Variants in GRIK2 observed in about 807,000 individuals in gnomAD.
GRIK2 encodes glutamate receptor ionotropic, kainate 2.
Under a neutral mutation model 100.3 loss-of-function variants are expected in GRIK2, and 32 were observed. The ratio of observed to expected loss-of-function variants is 0.32; its 90% CI spans 0.24 to 0.43. The LOEUF is 0.43. GRIK2 is among the 20% of genes least tolerant of loss of function. The pLI is 1.00. For synonymous variants in GRIK2, 417 were observed against 389.4 expected (o/e 1.07, Z -0.83); for missense variants, 843 against 1,114.9 (o/e 0.76, Z 3.47).
chr6:101,440,254 G>C (rs977365677), intron 2 of GRIK2, among the ~76,000 whole-genome samples: 1 of 152,112 alleles, frequency 6.6e-6, no homozygotes, highest in Non-Finnish European at 1.5e-5. Flanking sequence ...ACAGAATTAG[G>C]TATAAGACAC....
chr6:101,843,379 G>T (rs149619770), intron 10 of GRIK2, among the ~76,000 whole-genome samples: 21 of 152,174 alleles, frequency 1.4e-4, no homozygotes, highest in African/African-American at 5.1e-4. Context: ...AAGTCCTACA[G>T]AACTATTTAT....
chr6:101,703,233 T>G (rs1392100159), intron 7 of GRIK2, among the ~76,000 whole-genome samples: 1 of 151,824 alleles, frequency 6.6e-6, no homozygotes, highest in African/African-American at 2.4e-5. Context: ...GTTAAGATTA[T>G]CCAAGGGTAT....
chr6:101,766,172 A>G (rs1206910626), intron 7 of GRIK2, among the ~76,000 whole-genome samples: 1 of 151,984 alleles, frequency 6.6e-6, no homozygotes, highest in Admixed American at 6.6e-5. Flanking sequence ...GATATATTTT[A>G]TGCACTTATT....
intron 2 of GRIK2, among the ~76,000 whole-genome samples, chr6:101,463,081 C>A (rs1178844495): frequency 1.3e-5 from 2 of 152,252 alleles, no homozygotes; most frequent in Non-Finnish European, 2.9e-5. Flanking sequence ...ATCTTTTTGA[C>A]AAATCATCTA....
chr6:101,873,858 ATCTTT>A (rs985323896), intron 11 of GRIK2, among the ~76,000 whole-genome samples: 6 of 152,128 alleles, frequency 3.9e-5, no homozygotes, highest in African/African-American at 1.4e-4. Flanking sequence ...GATGATGAGC[ATCTTT>A]TCATGTGTCT....
chr6:101,724,310 T>C (rs1693791699), intron 7 of GRIK2, among the ~76,000 whole-genome samples: 1 of 151,820 alleles, frequency 6.6e-6, no homozygotes, highest in Non-Finnish European at 1.5e-5. Flanking sequence ...AAACATAGTA[T>C]CCAATAGGTA....
chr6:101,864,222 T>C (rs1211300770), intron 11 of GRIK2, among the ~76,000 whole-genome samples: 2 of 151,832 alleles, frequency 1.3e-5, no homozygotes, highest in Non-Finnish European at 2.9e-5. Flanking sequence ...TTCTTTAACT[T>C]AGTTAAATAC....
intron 7 of GRIK2, among the ~76,000 whole-genome samples, chr6:101,694,288 T>G (rs990038742): frequency 6.6e-6 from 1 of 152,056 alleles, no homozygotes; most frequent in Non-Finnish European, 1.5e-5. Flanking sequence ...AAATAGAGAA[T>G]GGATTATTTC....
intron 2 of GRIK2, among the ~76,000 whole-genome samples, chr6:101,487,499 T>G (rs1427328954): frequency 6.8e-6 from 1 of 147,074 alleles, no homozygotes; most frequent in Non-Finnish European, 1.5e-5. Flanking sequence ...TTTATGAGGA[T>G]ACTTGTTTTC....
In GRIK2 at chr6:102,055,580, G is replaced by T; in HGVS notation, c.2562G>T (p.Lys854Asn). ...CCAAAAAAAACGCTCAATTGGAAAAGGTAAATGTTACTTGTTTCAGTTTAA... is the reference window on the plus strand; with the variant it reads ...CCAAAAAAAACGCTCAATTGGAAAATGTAAATGTTACTTGTTTCAGTTTAA... ...YKSKKNAQLE[K>N]RSFCSAMVEE... The change falls in exon 16 of 17, where the codon AAG becomes AAT. Residue 854 changes from lysine (K) to asparagine (N), a missense_variant and splice_region_variant. By Grantham distance (94) the Lys-to-Asn change is moderately conservative (BLOSUM62 0). Around this residue, in one of 3 missense-constraint regions of GRIK2, gnomAD observed 87 missense variants for 83.2 expected, o/e 1.05. Transcript: ENST00000369134. 6.3e-7 allele frequency: 1 copy of T among 1,596,166 alleles called. No homozygotes were observed. The highest frequency in any genetic ancestry group is 1.1e-5 in the South Asian group (1 of 90,220).
At chr6:101,814,029 A>G (rs1781489824) in intron 9 of GRIK2, among the ~76,000 whole-genome samples, 1 of 152,106 alleles carries the variant, frequency 6.6e-6, no homozygotes, top group Non-Finnish European at 1.5e-5. Flanking sequence ...GGGACAAAGC[A>G]TAGATAATTT....
At chr6:102,051,951 TG>T (rs1771221715) in intron 15 of GRIK2, among the ~76,000 whole-genome samples, 1 of 152,210 alleles carries the variant, frequency 6.6e-6, no homozygotes, top group East Asian at 1.9e-4. Flanking sequence ...GTTCTTTGTT[TG>T]CCAACATACA....
chr6:101,558,723 A>G (rs979334472), intron 2 of GRIK2, among the ~76,000 whole-genome samples: 2 of 148,568 alleles, frequency 1.3e-5, no homozygotes, highest in African/African-American at 5.0e-5. Flanking sequence ...CTTCAAAAAC[A>G]TTTCTTCTTT....
intron 7 of GRIK2, among the ~76,000 whole-genome samples, chr6:101,746,755 C>T (rs1213144926): frequency 1.6e-4 from 25 of 152,122 alleles, no homozygotes; most frequent in Non-Finnish European, 1.5e-5. Flanking sequence ...CCCTCAGTTT[C>T]CCTTTGTAAA....
Position 102,035,576 on chromosome 6 carries a change from A to ATG in GRIK2, c.2311+12_2311+13dup, listed in dbSNP as rs1582762460. ...GTTGGCACTCCCATGGGTAGGTTAT[A>ATG]TGTCAGCTCTTTGTTCTTTGTTCAT... On this transcript the variant is annotated intron_variant, in intron 15 of 16. Transcript: ENST00000369134. The ATG allele has an allele frequency of 6.9e-7, 1 of 1,439,592 alleles. No homozygotes were observed. Among genetic ancestry groups the ATG allele is most frequent in the African/African-American group, 1.4e-5 (1 of 71,178 alleles). The allele number at this position is 1,439,592 out of a possible 1,614,324, so 89.2% of individuals were successfully genotyped here.
chr6:101,831,184 T>A (rs1782658276), intron 10 of GRIK2, among the ~76,000 whole-genome samples: 1 of 152,124 alleles, frequency 6.6e-6, no homozygotes, highest in Non-Finnish European at 1.5e-5. Context: ...ATGTAGAAAG[T>A]TCATTTGAAA....
chr6:101,953,963 C>G (rs962152003), intron 14 of GRIK2, among the ~76,000 whole-genome samples: 2 of 152,014 alleles, frequency 1.3e-5, no homozygotes, highest in African/African-American at 4.8e-5. Flanking sequence ...AATTCCATCC[C>G]TTTGTATGTA....
chr6:101,582,638 A>T (rs1044098006), intron 2 of GRIK2, among the ~76,000 whole-genome samples: 2 of 152,148 alleles, frequency 1.3e-5, no homozygotes, highest in African/African-American at 2.4e-5. Context: ...GATTTATAAG[A>T]CAAAAAGTAC....
chr6:101,564,189 A>G (rs1458906547), intron 2 of GRIK2, among the ~76,000 whole-genome samples: 1 of 152,184 alleles, frequency 6.6e-6, no homozygotes, highest in Non-Finnish European at 1.5e-5. Flanking sequence ...GTGTGTTAAA[A>G]CAAGCATTTA....
Sources: gnomAD v4.1 joint callset for allele counts (sites outside exome capture counted in the v4.1 genomes callset) on GRCh38, gnomAD v4.1.1 for gene constraint, gnomAD v4.1.1 regional missense constraint, MANE v1.5 for transcripts, NCBI Gene and HGNC (gene_info 2026-07-23, HGNC 2026-07-21) for gene names.